HHAT: variants seen among roughly 807,000 people sequenced by gnomAD.
The protein encoded by HHAT is hedgehog acyltransferase, also known as protein-cysteine N-palmitoyltransferase HHAT.
In HHAT, 47 loss-of-function variants were observed where a neutral mutation model predicts 70.8. The ratio of observed to expected loss-of-function variants is 0.66; its 90% CI spans 0.53 to 0.85. HHAT has a LOEUF of 0.85. Among genes scored for constraint, HHAT ranks in the 40% least tolerant of loss-of-function variants. The pLI, the probability that HHAT is intolerant of heterozygous loss-of-function variation, is 0.00. For missense variants in HHAT, 609 were observed against 604.8 expected, an observed-to-expected ratio of 1.01 and a Z score of -0.07; for synonymous variants, 228 against 247.6, an observed-to-expected ratio of 0.92 and a Z score of 0.74.
chr1:210,530,153 A>AATC (rs2095299367), intron 9 of HHAT, among the ~76,000 whole-genome samples: 1 of 152,192 alleles, frequency 6.6e-6, no homozygotes, highest in Non-Finnish European at 1.5e-5. Context: ...TGCACACAAA[A>AATC]ATCATAGGAT....
chr1:210,623,986 C>G (rs1669375580), intron 11 of HHAT, among the ~76,000 whole-genome samples: 1 of 152,096 alleles, frequency 6.6e-6, no homozygotes, highest in Non-Finnish European at 1.5e-5. Context: ...TTAATCTTTC[C>G]TACTGCTGTG....
At chr1:210,521,797 T>A (rs1299055500) in intron 9 of HHAT, among the ~76,000 whole-genome samples, 1 of 152,200 alleles carries the variant, frequency 6.6e-6, no homozygotes. Flanking sequence ...TAGGACCGTT[T>A]AGACCTTTTT....
chr1:210,493,129 T>G (rs1345466383), intron 8 of HHAT, among the ~76,000 whole-genome samples: 15 of 152,140 alleles, frequency 9.9e-5, no homozygotes, highest in East Asian at 1.9e-4. Context: ...GTGCTAAGTT[T>G]GCAACTTTTA....
At chr1:210,624,788 C>CT (rs1173929530) in intron 11 of HHAT, among the ~76,000 whole-genome samples, 3 of 152,172 alleles carry the variant, frequency 2.0e-5, no homozygotes, top group African/African-American at 7.2e-5. Context: ...ACTCATGGTA[C>CT]ATACTACTAT....
chr1:210,605,371 C>T (rs1370555779), intron 10 of HHAT, among the ~76,000 whole-genome samples: 1 of 152,106 alleles, frequency 6.6e-6, no homozygotes, highest in Non-Finnish European at 1.5e-5. Context: ...TTGATAAACC[C>T]CTCCTACTTA....
chr1:210,373,473 C>A (rs1043898309), intron 3 of HHAT, among the ~76,000 whole-genome samples: 2 of 152,090 alleles, frequency 1.3e-5, no homozygotes, highest in Non-Finnish European at 2.9e-5. Flanking sequence ...AGCGAGATCA[C>A]AGGGGCACGT....
chr1:210,481,055 C>A (rs1047107278), intron 8 of HHAT, among the ~76,000 whole-genome samples: 1 of 151,756 alleles, frequency 6.6e-6, no homozygotes, highest in Non-Finnish European at 1.5e-5. Context: ...AATTAACAAA[C>A]CTAATAAATA....
At position 210,582,415 on chromosome 1, in the gene HHAT, ATGTC is replaced by A. The variant is rs573221972; in HGVS notation, c.1044-5478_1044-5475del. On this transcript the variant is annotated intron_variant, in intron 9 of 11. Coordinates refer to ENST00000261458, the MANE Select transcript of HHAT (RefSeq NM_018194.6). ...AGTGCAGGAAACCGTAGTAAAAGCCATGTCTGTCAGTGTCTGGTGCTTCATCTTC... is the reference window on the plus strand; with the variant it reads ...AGTGCAGGAAACCGTAGTAAAAGCCATGTCAGTGTCTGGTGCTTCATCTTC... 8.5e-3 allele frequency among the ~76,000 whole-genome samples: 1,300 copies of A among 152,246 alleles called. 20 individuals are homozygous for A. The highest frequency in any genetic ancestry group is 0.027 in the Middle Eastern group (8 of 294).
chr1:210,510,868 G>T (rs1392029721), intron 8 of HHAT, among the ~76,000 whole-genome samples: 1 of 152,150 alleles, frequency 6.6e-6, no homozygotes, highest in Non-Finnish European at 1.5e-5. Flanking sequence ...GGATCTCTGT[G>T]ATTTCTTCCA....
intron 1 of HHAT, among the ~76,000 whole-genome samples, chr1:210,344,183 C>T (rs2086293739): frequency 6.6e-6 from 1 of 151,620 alleles, no homozygotes; most frequent in African/African-American, 2.4e-5. Flanking sequence ...CAGCTAGTTT[C>T]CCTGCTTAGT....
intron 11 of HHAT, among the ~76,000 whole-genome samples, chr1:210,666,080 C>A (rs1257330235): frequency 6.6e-6 from 1 of 152,148 alleles, no homozygotes; most frequent in African/African-American, 2.4e-5. Flanking sequence ...CAGCCATTGT[C>A]TTCTAAAAAT....
chr1:210,653,038 A>T (rs1441992548), intron 11 of HHAT, among the ~76,000 whole-genome samples: 2 of 152,218 alleles, frequency 1.3e-5, no homozygotes, highest in Non-Finnish European at 2.9e-5. Flanking sequence ...TGGAATAGAC[A>T]TAAATGTCCA....
intron 4 of HHAT, among the ~76,000 whole-genome samples, chr1:210,390,748 A>G (rs941455487): frequency 3.3e-5 from 5 of 152,142 alleles, no homozygotes; most frequent in Non-Finnish European, 4.4e-5. Context: ...AGAACATAGG[A>G]TATTTGGTTT....
intron 7 of HHAT, among the ~76,000 whole-genome samples, chr1:210,431,681 A>T (rs567764324): frequency 6.6e-6 from 1 of 151,880 alleles, no homozygotes; most frequent in East Asian, 1.9e-4. Context: ...ATATGGCCAT[A>T]TTATAATCAT....
rs192077361 is a variant in HHAT at position 210,534,117 on chromosome 1, G to A, written c.1043+20929G>A. ...TGCACTGGGGTAATTGTACCTTCCC[G>A]CCCCCCACCGCCCCACCAAGTGTTC... On this transcript the variant is annotated intron_variant, in intron 9 of 11. Transcript: ENST00000261458. 5.5e-3 allele frequency among the ~76,000 whole-genome samples: 842 copies of A among 152,128 alleles called. 4 individuals carry two copies. Among genetic ancestry groups the A allele is most frequent in the African/African-American group, 0.016 (672 of 41,492 alleles).
At chr1:210,555,726 G>A (rs955819911) in intron 9 of HHAT, among the ~76,000 whole-genome samples, 1 of 152,120 alleles carries the variant, frequency 6.6e-6, no homozygotes, top group Non-Finnish European at 1.5e-5. Flanking sequence ...CATATATATT[G>A]GTTGACAGAC....
Position 210,574,226 on chromosome 1 carries a change from A to G in HHAT, c.1044-13672A>G, listed in dbSNP as rs115563140. Among the ~76,000 whole-genome samples, 566 of 152,328 alleles carry G rather than the reference A, an allele frequency of 3.7e-3. 6 individuals are homozygous for G. Among genetic ancestry groups the G allele is most frequent in the African/African-American group, 0.013 (536 of 41,574 alleles). ...GATTGGCTGGGGAAATTTTCCTGGA[A>G]GTGAATGTTAAACCCATTTTGAAAG... On this transcript the variant is annotated intron_variant, in intron 9 of 11. Coordinates refer to ENST00000261458, the MANE Select transcript of HHAT (RefSeq NM_018194.6).
intron 11 of HHAT, among the ~76,000 whole-genome samples, chr1:210,657,441 G>A (rs115357378): frequency 0.017 from 2,567 of 152,304 alleles, 33 homozygotes; most frequent in Middle Eastern, 0.031. Context: ...TTGACAGGCA[G>A]GAACATTTCC....
intron 10 of HHAT, among the ~76,000 whole-genome samples, chr1:210,615,624 G>A (rs2148854514): frequency 6.6e-6 from 1 of 152,322 alleles, no homozygotes; most frequent in East Asian, 1.9e-4. Context: ...TGGTGTGGAT[G>A]TCCTTTCTGT....
Sources: gnomAD v4.1 joint callset for allele counts (sites outside exome capture counted in the v4.1 genomes callset) on GRCh38, gnomAD v4.1.1 for gene constraint, MANE v1.5 for transcripts, NCBI Gene and HGNC (gene_info 2026-07-23, HGNC 2026-07-21) for gene names.